The following MED27 variants were observed in gnomAD, a reference collection of about 807,000 sequenced individuals.
MED27 encodes mediator of RNA polymerase II transcription subunit 27.
In MED27, 30 loss-of-function variants were observed where a neutral mutation model predicts 38.2. The ratio of observed to expected loss-of-function variants is 0.79; its 90% CI spans 0.59 to 1.07. The LOEUF is 1.07. MED27 is among the 50% of genes least tolerant of loss of function. MED27 has a pLI of 0.00. For synonymous variants in MED27, 122 were observed against 153.5 expected, an observed-to-expected ratio of 0.79 and a Z score of 1.52; for missense variants, 289 against 397.5, an observed-to-expected ratio of 0.73 and a Z score of 2.32.
intron 4 of MED27, among the ~76,000 whole-genome samples, chr9:131,936,465 A>T (rs576214658): frequency 1.8e-4 from 28 of 152,294 alleles, no homozygotes; most frequent in African/African-American, 6.7e-4. Flanking sequence ...CCTCTAGGGA[A>T]TTACTTCCCC....
chr9:131,879,013 C>G (rs1172725600), intron 6 of MED27, among the ~76,000 whole-genome samples: 1 of 152,192 alleles, frequency 6.6e-6, no homozygotes, highest in African/African-American at 2.4e-5. Context: ...TACTTCCACA[C>G]TTGGGTAAGG....
chr9:131,994,151 C>G (rs1832039393), intron 3 of MED27, among the ~76,000 whole-genome samples: 1 of 152,172 alleles, frequency 6.6e-6, no homozygotes, highest in South Asian at 2.1e-4. Flanking sequence ...GCTGTAGGAA[C>G]TTAACTCTTG....
In MED27 at chr9:131,862,218, C is replaced by A. The variant is rs755448178; in HGVS notation, c.801+845G>T. 1.7e-4 allele frequency among the ~76,000 whole-genome samples: 26 copies of A among 152,202 alleles called. No individual in the cohort carries two copies. The highest frequency in any genetic ancestry group is 3.2e-4 in the Non-Finnish European group (22 of 68,040). ...ACTGTTGATGCCATGTGATAAGATG[C>A]ACACTGATTTGGCCTTGCTAACAGG... On this transcript the variant is annotated intron_variant, in intron 7 of 7. Transcript: ENST00000292035. The surrounding 1 kb of genome is among the most constrained non-coding windows in gnomAD (Gnocchi z 4.6).
chr9:131,863,557 TG>T (rs1339053475), intron 6 of MED27, among the ~76,000 whole-genome samples: 1 of 152,248 alleles, frequency 6.6e-6, no homozygotes, highest in Non-Finnish European at 1.5e-5. Context: ...CCTCCTGCGA[TG>T]GTTTTCCCAA....
chr9:131,939,872 T>C (rs1053600039), intron 3 of MED27, among the ~76,000 whole-genome samples: 1 of 151,448 alleles, frequency 6.6e-6, no homozygotes, highest in African/African-American at 2.4e-5. Context: ...ATCACTGGAA[T>C]AACCAATTCC....
rs542691079 is a variant in MED27 at position 131,863,215 on chromosome 9, G to A, written c.724-75C>T. 670 of 1,191,880 alleles carry A rather than the reference G, an allele frequency of 5.6e-4. 1 individual carries two copies. The highest frequency in any genetic ancestry group is 4.6e-3 in the East Asian group (195 of 42,342). The allele number at this position is 1,191,880 out of a possible 1,614,324, so 73.8% of individuals were successfully genotyped here. A position where few individuals can be genotyped will look rare whatever the true frequency, so the allele number is the denominator to read the frequency against. On this transcript the variant is annotated intron_variant, in intron 6 of 7. Coordinates refer to ENST00000292035, the MANE Select transcript of MED27 (RefSeq NM_004269.4). ...GAGAAAACAAGCAGGACAAATGCAC[G>A]CCTTCTGTGTGAAAACAGATCTGAG... is the stretch of plus-strand genomic sequence containing the variant.
At chr9:131,956,942 T>C (rs1442372210) in intron 3 of MED27, among the ~76,000 whole-genome samples, 1 of 151,924 alleles carries the variant, frequency 6.6e-6, no homozygotes, top group Non-Finnish European at 1.5e-5. Flanking sequence ...AGTAAGCACC[T>C]AAAAGGAGGC....
In MED27 at chr9:131,898,101, A is replaced by ATT. The variant is rs1039409485; in HGVS notation, c.574-4111_574-4110dup. Among the ~76,000 whole-genome samples the ATT allele has an allele frequency of 7.4e-4, 97 of 131,876 alleles. 1 individual carries two copies. The highest frequency in any genetic ancestry group is 1.8e-3 in the African/African-American group (65 of 35,404). 86.5% of individuals were successfully genotyped at this position (131,876 alleles called of 152,430 possible). A position where few individuals can be genotyped will look rare whatever the true frequency, so the allele number is the denominator to read the frequency against. On this transcript the variant is annotated intron_variant, in intron 4 of 7. Transcript: ENST00000292035. The stretch of plus-strand genomic sequence containing the variant: ...GATAATTAGATGAGATGCAGGTTTG[A>ATT]TTTTTTTTTTTTTTTTTGGCAAGAT...
intron 4 of MED27, among the ~76,000 whole-genome samples, chr9:131,908,888 AAAAG>A (rs939045987): frequency 1.3e-5 from 2 of 152,150 alleles, no homozygotes; most frequent in African/African-American, 4.8e-5. Context: ...AAAAAAAAAA[AAAAG>A]AACTTTAATA....
At position 131,914,798 on chromosome 9, in the gene MED27, G is replaced by A. The variant is rs557188067; in HGVS notation, c.574-20806C>T. 8.9e-4 allele frequency among the ~76,000 whole-genome samples: 136 copies of A among 152,324 alleles called. 3 individuals are homozygous for A. In the South Asian group the frequency reaches 0.027, roughly 30 times the overall value. On this transcript the variant is annotated intron_variant, in intron 4 of 7. Coordinates refer to ENST00000292035, the MANE Select transcript of MED27 (RefSeq NM_004269.4). Reference sequence around the variant, plus strand: ...GCAGAGAGGCCAGTTGGGAGGATGTGGAGAAAGATGGCAGCCTGAACTGGG... The same window carrying A: ...GCAGAGAGGCCAGTTGGGAGGATGTAGAGAAAGATGGCAGCCTGAACTGGG...
intron 2 of MED27, among the ~76,000 whole-genome samples, chr9:132,063,212 G>C (rs1833736696): frequency 6.6e-6 from 1 of 152,172 alleles, no homozygotes; most frequent in Non-Finnish European, 1.5e-5. Flanking sequence ...TTGCTTATGG[G>C]AGGCCTATAA....
intron 2 of MED27, among the ~76,000 whole-genome samples, chr9:132,019,080 A>G (rs1042041864): frequency 6.6e-6 from 1 of 152,138 alleles, no homozygotes; most frequent in Non-Finnish European, 1.5e-5. Context: ...CTCTAGGCCA[A>G]TTTCCTTCTC....
chr9:131,892,746 C>T (rs762667364), intron 5 of MED27, among the ~76,000 whole-genome samples: 4 of 152,204 alleles, frequency 2.6e-5, no homozygotes, highest in Non-Finnish European at 4.4e-5. Context: ...CCTTCTGGAG[C>T]AGCTGTCAGA....
intron 2 of MED27, 66 bp downstream of exon 2, chr9:132,077,376 G>T: frequency 1.4e-6 from 2 of 1,434,294 alleles, no homozygotes; most frequent in Non-Finnish European, 1.9e-6. Context: ...CTTGCTTTCT[G>T]CATGTATGGA....
At chr9:131,972,419 A>C (rs1008978930) in intron 3 of MED27, among the ~76,000 whole-genome samples, 3 of 152,234 alleles carry the variant, frequency 2.0e-5, no homozygotes, top group Non-Finnish European at 4.4e-5. Context: ...TGGACAAAGC[A>C]AAGAAATATC....
intron 3 of MED27, among the ~76,000 whole-genome samples, chr9:131,959,534 C>T (rs962096728): frequency 2.0e-5 from 3 of 152,170 alleles, no homozygotes; most frequent in African/African-American, 7.2e-5. Context: ...AGGGCCACAG[C>T]GGGCAAATCA....
At chr9:131,893,333 G>GCAGTGCTC (rs1266106196) in intron 5 of MED27, among the ~76,000 whole-genome samples, 1 of 152,148 alleles carries the variant, frequency 6.6e-6, no homozygotes, top group Non-Finnish European at 1.5e-5. Flanking sequence ...TGGAGACTGT[G>GCAGTGCTC]CAGTCAAAAG....
chr9:132,064,250 G>A (rs953038065), intron 2 of MED27, among the ~76,000 whole-genome samples: 3 of 152,198 alleles, frequency 2.0e-5, no homozygotes, highest in Non-Finnish European at 4.4e-5. Context: ...AGAGCATCCG[G>A]GAACCCAGCA....
chr9:132,014,293 A>T, intron 3 of MED27, 44 bp downstream of exon 3: 1 of 1,564,066 alleles, frequency 6.4e-7, no homozygotes, highest in Non-Finnish European at 8.7e-7. Flanking sequence ...TAAAGTAAAA[A>T]AGTTCACCCA....
Sources: allele counts gnomAD v4.1 joint callset (sites outside exome capture counted in the v4.1 genomes callset), GRCh38; gene constraint gnomAD v4.1.1; non-coding constraint Gnocchi (gnomAD v3.1); transcripts MANE v1.5; gene names NCBI Gene and HGNC (gene_info 2026-07-23, HGNC 2026-07-21).